SAMD3: variants seen among roughly 807,000 people sequenced by gnomAD.
SAMD3 encodes sterile alpha motif domain containing 3, also known as sterile alpha motif domain-containing protein 3.
Under a neutral mutation model 58.5 loss-of-function variants are expected in SAMD3, and 63 were observed. The ratio of observed to expected loss-of-function variants is 1.08; its 90% CI spans 0.88 to 1.33. The LOEUF (loss-of-function observed/expected upper bound fraction) is 1.33, where lower values mean the gene tolerates loss of function less well. SAMD3 is among the 40% of genes most tolerant of loss of function. The pLI is 0.00. For synonymous variants in SAMD3, 220 were observed against 210.3 expected, an observed-to-expected ratio of 1.05 and a Z score of -0.40; for missense variants, 604 against 608.4, an observed-to-expected ratio of 0.99 and a Z score of 0.08.
intron 2 of SAMD3, among the ~76,000 whole-genome samples, chr6:130,309,939 A>G (rs1331903890): frequency 6.6e-6 from 1 of 152,188 alleles, no homozygotes; most frequent in Non-Finnish European, 1.5e-5. Flanking sequence ...AGAGAGGGAG[A>G]GAGAGAGAAA....
At chr6:130,307,732 GC>G (rs1199147030) in intron 2 of SAMD3, among the ~76,000 whole-genome samples, 3 of 152,160 alleles carry the variant, frequency 2.0e-5, no homozygotes, top group African/African-American at 7.2e-5. Flanking sequence ...GCTTTTAAAA[GC>G]TTTGGTTACA....
chr6:130,169,144 C>T (rs182193063), intron 8 of SAMD3, among the ~76,000 whole-genome samples: 7 of 152,122 alleles, frequency 4.6e-5, no homozygotes, highest in South Asian at 4.2e-4. Context: ...GAGCTATCGA[C>T]GGAAGAAGTT....
At chr6:130,341,985 CAT>C (rs1194508140) in intron 1 of SAMD3, among the ~76,000 whole-genome samples, 1 of 152,212 alleles carries the variant, frequency 6.6e-6, no homozygotes, top group East Asian at 1.9e-4. Context: ...AAAACATTGA[CAT>C]GTCTCCTGAC....
At chr6:130,151,574 T>C (rs1489579563) in intron 9 of SAMD3, among the ~76,000 whole-genome samples, 1 of 152,178 alleles carries the variant, frequency 6.6e-6, no homozygotes, top group African/African-American at 2.4e-5. Context: ...CCTTAGTAGC[T>C]GGGATTACAG....
chr6:130,215,203 C>T lies in SAMD3; in HGVS notation c.71G>A (p.Arg24Lys). ...AAGCATAAACAACTCACCTTGAAATCTATGAACTAGCTCTCCTAAATTTTT... is the reference window on the plus strand; with the variant it reads ...AAGCATAAACAACTCACCTTGAAATTTATGAACTAGCTCTCCTAAATTTTT... The part of the protein sequence containing the change: ...VEKNLGELVH[R>K]FQEEEVSGAA... The change falls in exon 3 of 12, where the codon AGA becomes AAA. Residue 24 changes from arginine (R) to lysine (K), a missense_variant. Transcript: ENST00000439090. 1 of 1,589,706 alleles carries T rather than the reference C, an allele frequency of 6.3e-7. No individual in the cohort carries two copies. The highest frequency in any genetic ancestry group is 1.1e-5 in the South Asian group (1 of 90,298).
chr6:130,235,521 C>T (rs1773117018), intron 2 of SAMD3, among the ~76,000 whole-genome samples: 1 of 152,100 alleles, frequency 6.6e-6, no homozygotes, highest in African/African-American at 2.4e-5. Flanking sequence ...AGATTGAACA[C>T]AAAGTATCGG....
intron 8 of SAMD3, among the ~76,000 whole-genome samples, chr6:130,166,733 T>A (rs545130329): frequency 6.6e-6 from 1 of 152,296 alleles, no homozygotes; most frequent in Admixed American, 6.5e-5. Flanking sequence ...AAAGAGGTAA[T>A]TTTCTAGAAG....
At chr6:130,182,780 T>G (rs559802169) in intron 7 of SAMD3, among the ~76,000 whole-genome samples, 1 of 152,344 alleles carries the variant, frequency 6.6e-6, no homozygotes, top group African/African-American at 2.4e-5. Context: ...TGAAATTCCA[T>G]GTCCTTAAGA....
intron 5 of SAMD3, among the ~76,000 whole-genome samples, chr6:130,185,313 C>T (rs1792830876): frequency 6.6e-6 from 1 of 151,990 alleles, no homozygotes; most frequent in African/African-American, 2.4e-5. Context: ...GAGCTATTCA[C>T]TTTTTTATTT....
chr6:130,202,535 G>T (rs1049708709), intron 5 of SAMD3, among the ~76,000 whole-genome samples: 1 of 152,184 alleles, frequency 6.6e-6, no homozygotes. Flanking sequence ...CATATTGAAT[G>T]AATGGATGAA....
chr6:130,191,039 C>T (rs1793493969), intron 5 of SAMD3, among the ~76,000 whole-genome samples: 1 of 151,604 alleles, frequency 6.6e-6, no homozygotes, highest in South Asian at 2.1e-4. Flanking sequence ...TGCAAGTCCA[C>T]ATTCAATACT....
chr6:130,287,206 C>T (rs1775189712), intron 2 of SAMD3, among the ~76,000 whole-genome samples: 1 of 152,200 alleles, frequency 6.6e-6, no homozygotes, highest in African/African-American at 2.4e-5. Flanking sequence ...ATCTTCCAAA[C>T]AATTCTCATC....
intron 5 of SAMD3, among the ~76,000 whole-genome samples, chr6:130,186,329 G>A (rs6919001): frequency 0.021 from 3,195 of 152,222 alleles, 114 homozygotes; most frequent in African/African-American, 0.072. Context: ...AAGAATGCAC[G>A]AGCTATAATG....
At chr6:130,338,257 A>G (rs1020968439) in intron 1 of SAMD3, among the ~76,000 whole-genome samples, 7 of 152,260 alleles carry the variant, frequency 4.6e-5, no homozygotes, top group Non-Finnish European at 1.0e-4. Context: ...TTGGATGCAC[A>G]GAAGTCAAGA....
rs143482821 is a variant in SAMD3, at chr6:130,162,299, A to G, written c.823-7274T>C. 9.3e-4 allele frequency: 651 copies of G among 701,608 alleles called. 2 individuals are homozygous for G. In the African/African-American group the frequency reaches 0.01, roughly 11 times the overall value. 43.5% of individuals were successfully genotyped at this position (701,608 alleles called of 1,614,324 possible). A position where few individuals can be genotyped will look rare whatever the true frequency, so the allele number is the denominator to read the frequency against. ...AGCTGGAGCAGAAATAAGGAGGAGA[A>G]TATTTCTAAGTTTGATTTCAACAGA... On this transcript the variant is annotated intron_variant, in intron 8 of 11. Coordinates refer to ENST00000439090, the MANE Select transcript of SAMD3 (RefSeq NM_001017373.4).
chr6:130,151,511 G>A (rs1021019052), intron 9 of SAMD3, among the ~76,000 whole-genome samples: 1 of 151,888 alleles, frequency 6.6e-6, no homozygotes, highest in African/African-American at 2.4e-5. Flanking sequence ...GCGCAATCTC[G>A]GCTCACCGCA....
At chr6:130,231,924 T>C (rs1319140279) in intron 2 of SAMD3, among the ~76,000 whole-genome samples, 2 of 152,212 alleles carry the variant, frequency 1.3e-5, no homozygotes, top group Non-Finnish European at 2.9e-5. Context: ...GTTCTATATC[T>C]GCATTAGTCA....
At chr6:130,241,795 A>G (rs1233126210) in intron 2 of SAMD3, among the ~76,000 whole-genome samples, 1 of 151,730 alleles carries the variant, frequency 6.6e-6, no homozygotes, top group East Asian at 1.9e-4. Flanking sequence ...CCTATTCTAC[A>G]TTTTATTTTC....
chr6:130,294,906 CTGATTTTTTT>C lies in SAMD3; in HGVS notation c.-188+18062_-188+18071del, dbSNP rs1370871270. Among the ~76,000 whole-genome samples the C allele has an allele frequency of 5.0e-3, 455 of 90,678 alleles. 5 individuals carry two copies. Among genetic ancestry groups the C allele is most frequent in the African/African-American group, 0.017 (440 of 26,194 alleles). The allele number at this position is 90,678 out of a possible 152,430, so 59.5% of individuals were successfully genotyped here. On this transcript the variant is annotated intron_variant, in intron 2 of 13. Transcript: ENST00000368134. ...ATGTCTAATTTTTCCATACATTTCT[CTGATTTTTTT>C]TTTTTTTTTTTTTTTTTTTTTTTTT...
Sources: gnomAD v4.1 joint callset for allele counts (sites outside exome capture counted in the v4.1 genomes callset) on GRCh38, gnomAD v4.1.1 for gene constraint, MANE v1.5 for transcripts, NCBI Gene and HGNC (gene_info 2026-07-23, HGNC 2026-07-21) for gene names.